The following ARHGEF7 variants were observed in gnomAD, a reference collection of about 807,000 sequenced individuals.
ARHGEF7 encodes PAK-interacting exchange factor beta.
ARHGEF7 carries 33 observed loss-of-function variants against 109.8 expected under a neutral mutation model. That is an observed-to-expected ratio of 0.30 (90% CI 0.23 to 0.40). The LOEUF is 0.40. ARHGEF7 is among the 10% of genes least tolerant of loss of function. The pLI, the probability that ARHGEF7 is intolerant of heterozygous loss-of-function variation, is 1.00. For missense variants in ARHGEF7, 938 were observed against 1,098.5 expected, an observed-to-expected ratio of 0.85 and a Z score of 2.07; for synonymous variants, 458 against 424.6, an observed-to-expected ratio of 1.08 and a Z score of -0.97.
chr13:111,166,099 G>T (rs896011818), intron 2 of ARHGEF7, among the ~76,000 whole-genome samples: 1 of 152,128 alleles, frequency 6.6e-6, no homozygotes, highest in Non-Finnish European at 1.5e-5. Flanking sequence ...ACCACCATTA[G>T]CCCAGGCTGT....
chr13:111,130,423 C>T (rs2074681960), intron 1 of ARHGEF7, among the ~76,000 whole-genome samples: 1 of 152,184 alleles, frequency 6.6e-6, no homozygotes, highest in South Asian at 2.1e-4. Context: ...GGAGCTTTAA[C>T]TCATGTTATT....
chr13:111,125,787 A>G (rs1379006150), intron 1 of ARHGEF7, among the ~76,000 whole-genome samples: 1 of 152,246 alleles, frequency 6.6e-6, no homozygotes, highest in East Asian at 1.9e-4. Flanking sequence ...TAGTTAGCAG[A>G]TTTTTCAGAT....
chr13:111,194,632 C>G (rs955609762), intron 2 of ARHGEF7, among the ~76,000 whole-genome samples: 1 of 152,204 alleles, frequency 6.6e-6, no homozygotes, highest in African/African-American at 2.4e-5. Flanking sequence ...TCTAGAGTAG[C>G]CCACTGACAT....
At chr13:111,126,415 G>A (rs1216403417) in intron 1 of ARHGEF7, among the ~76,000 whole-genome samples, 2 of 151,554 alleles carry the variant, frequency 1.3e-5, no homozygotes, top group South Asian at 2.1e-4. Context: ...ACCTGAATCC[G>A]AGAGACAGTG....
chr13:111,279,676 T>A (rs2092680908), intron 13 of ARHGEF7, among the ~76,000 whole-genome samples: 1 of 152,266 alleles, frequency 6.6e-6, no homozygotes, highest in South Asian at 2.1e-4. Flanking sequence ...TTCTGGTATC[T>A]TTCCATTGAC....
chr13:111,155,060 A>G (rs112045376), intron 2 of ARHGEF7, among the ~76,000 whole-genome samples: 56 of 152,372 alleles, frequency 3.7e-4, no homozygotes, highest in African/African-American at 1.1e-3. Context: ...CATATCATTT[A>G]TAATGTACTA....
At chr13:111,196,726 G>C (rs988353525) in intron 2 of ARHGEF7, among the ~76,000 whole-genome samples, 2 of 152,064 alleles carry the variant, frequency 1.3e-5, no homozygotes, top group Non-Finnish European at 2.9e-5. Context: ...GCTATAGGGA[G>C]GCTAGGATAT....
chr13:111,283,152 C>T lies in ARHGEF7; in HGVS notation c.1739C>T (p.Pro580Leu), dbSNP rs376983557. ...SVPSHTLPSH[P>L]VTPSSKHADS... Reference sequence around the variant, plus strand: ...TGCCCTTGGCAGCTCCCCTCCCACCCGGTCACTCCGTCCAGCAAGCACGCA... The same window carrying T: ...TGCCCTTGGCAGCTCCCCTCCCACCTGGTCACTCCGTCCAGCAAGCACGCA... The change falls in exon 16 of 22, where the codon CCG becomes CTG. Residue 580 changes from proline to leucine, a missense_variant. By Grantham distance (98) the Pro-to-Leu change is moderately conservative. Around this residue, in one of 4 missense-constraint regions of ARHGEF7, gnomAD observed 585 missense variants for 723.6 expected, o/e 0.81. Transcript: ENST00000646102. The T allele has an allele frequency of 1.0e-5, 16 of 1,588,740 alleles. No homozygotes were observed. The highest frequency in any genetic ancestry group is 2.3e-5 in the South Asian group (2 of 87,140).
intron 2 of ARHGEF7, 150 bp downstream of exon 2, chr13:111,154,141 G>C: frequency 2.3e-6 from 2 of 869,710 alleles, no homozygotes; most frequent in Non-Finnish European, 3.3e-6. Context: ...GTGTGGAACG[G>C]GGCGTTGCGG....
intron 2 of ARHGEF7, chr13:111,182,223 G>A (rs2078816986): frequency 6.6e-6 from 1 of 152,250 alleles, no homozygotes; most frequent in African/African-American, 2.4e-5. Context: ...CTGTTCGCCG[G>A]AGGGTTCAGG....
At chr13:111,275,222 A>G (rs905195281) in intron 11 of ARHGEF7, among the ~76,000 whole-genome samples, 1 of 152,230 alleles carries the variant, frequency 6.6e-6, no homozygotes, top group Non-Finnish European at 1.5e-5. Flanking sequence ...GAACAAAACC[A>G]GAATGAAAAT....
intron 5 of ARHGEF7, among the ~76,000 whole-genome samples, chr13:111,227,943 G>C (rs773950841): frequency 1.3e-5 from 2 of 152,194 alleles, no homozygotes; most frequent in Non-Finnish European, 2.9e-5. Flanking sequence ...AGTTACACCA[G>C]TTACACTTGG....
At chr13:111,227,710 T>C (rs566957341) in intron 5 of ARHGEF7, among the ~76,000 whole-genome samples, 1 of 152,338 alleles carries the variant, frequency 6.6e-6, no homozygotes, top group South Asian at 2.1e-4. Context: ...TCCTACTTTC[T>C]TCTAGGTTTG....
At chr13:111,274,279 G>A (rs2092351818) in intron 10 of ARHGEF7, among the ~76,000 whole-genome samples, 1 of 152,214 alleles carries the variant, frequency 6.6e-6, no homozygotes, top group African/African-American at 2.4e-5. Context: ...GGGTAATACT[G>A]TACTAATCAT....
At chr13:111,287,432 G>A (rs1021076775) in intron 17 of ARHGEF7, among the ~76,000 whole-genome samples, 1 of 152,242 alleles carries the variant, frequency 6.6e-6, no homozygotes, top group Admixed American at 6.5e-5. Flanking sequence ...TCATGGACGC[G>A]TGCTTCATCA....
At position 111,282,793 on chromosome 13, in the gene ARHGEF7, C is replaced by G. The variant is rs183944502; in HGVS notation, c.1726-346C>G. Reference sequence around the variant, plus strand: ...ATGCCCTGTGTGCTTTTGTGAAATTCTCATCTTTTTACTAGATGAAGTACC... The same window carrying G: ...ATGCCCTGTGTGCTTTTGTGAAATTGTCATCTTTTTACTAGATGAAGTACC... On this transcript the variant is annotated intron_variant, in intron 15 of 21. Transcript: ENST00000646102. 7.6e-4 allele frequency: 269 copies of G among 352,700 alleles called. 3 individuals are homozygous for G. The East Asian group carries it at 0.014, about 19-fold the overall frequency. The allele number at this position is 352,700 out of a possible 1,614,324, so 21.8% of individuals were successfully genotyped here.
At chr13:111,116,155 CTG>C (rs34782643) in intron 1 of ARHGEF7, among the ~76,000 whole-genome samples, 63,150 of 151,930 alleles carry the variant, frequency 0.42, 16,029 homozygotes, top group East Asian at 0.88. Flanking sequence ...ACCGGTTGCT[CTG>C]TATTTTTAAA....
intron 6 of ARHGEF7, among the ~76,000 whole-genome samples, chr13:111,235,673 G>T (rs1338149223): frequency 2.6e-5 from 4 of 152,122 alleles, no homozygotes; most frequent in Non-Finnish European, 5.9e-5. Flanking sequence ...GTTATACACT[G>T]GTTACTAAGC....
intron 2 of ARHGEF7, among the ~76,000 whole-genome samples, chr13:111,199,330 G>GAA (rs2080940766): frequency 1.3e-5 from 2 of 152,188 alleles, no homozygotes; most frequent in Admixed American, 1.3e-4. Context: ...GTCAATATCA[G>GAA]CTCTTAGAAC....
Sources: gnomAD v4.1 joint callset for allele counts (sites outside exome capture counted in the v4.1 genomes callset) on GRCh38, gnomAD v4.1.1 for gene constraint, gnomAD v4.1.1 regional missense constraint, MANE v1.5 for transcripts, NCBI Gene and HGNC (gene_info 2026-07-23, HGNC 2026-07-21) for gene names.